TXNRD1: variants seen among roughly 807,000 people sequenced by gnomAD.
The protein encoded by TXNRD1 is thioredoxin reductase 1.
Under a neutral mutation model 80.3 loss-of-function variants are expected in TXNRD1, and 57 were observed. That is an observed-to-expected ratio of 0.71 (90% CI 0.57 to 0.89). The LOEUF (loss-of-function observed/expected upper bound fraction) is 0.89, where lower values mean the gene tolerates loss of function less well. Among genes scored for constraint, TXNRD1 ranks in the 40% least tolerant of loss-of-function variants. TXNRD1 has a pLI of 0.00. For missense variants in TXNRD1, 730 were observed against 803.0 expected, an observed-to-expected ratio of 0.91 and a Z score of 1.10; for synonymous variants, 291 against 285.2, an observed-to-expected ratio of 1.02 and a Z score of -0.20.
At chr12:104,340,752 A>G (rs2036295983) in intron 16 of TXNRD1, among the ~76,000 whole-genome samples, 1 of 152,140 alleles carries the variant, frequency 6.6e-6, no homozygotes, top group African/African-American at 2.4e-5. Context: ...ACTTGATTAC[A>G]TCTGCAAATA....
In TXNRD1 at chr12:104,215,879, G is replaced by A. The variant is rs2032194763; in HGVS notation, c.77G>A (p.Gly26Asp). ...CAGACGAAAGGCAAGAACGGCGATG[G>A]CCGCCGTAGGTCAGGTACGACCGAG... is the stretch of plus-strand genomic sequence containing the variant. ...ELQTKGKNGD[G>D]RRRSAKDHHP... Residue 26 changes from glycine (G) to aspartate (D), a missense_variant, in exon 1 of 17, where the codon GGC (glycine) becomes GAC (aspartate). By Grantham distance (94) the Gly-to-Asp change is moderately conservative. Coordinates refer to ENST00000525566, the MANE Select transcript of TXNRD1 (RefSeq NM_001093771.3). 2 of 1,556,138 alleles carry A rather than the reference G, an allele frequency of 1.3e-6. No individual in the cohort carries two copies. Among genetic ancestry groups the A allele is most frequent in the Non-Finnish European group, 1.7e-6 (2 of 1,150,562 alleles).
chr12:104,319,485 G>A lies in TXNRD1; in HGVS notation c.889G>A (p.Gly297Ser), dbSNP rs551790587. ...PHRIKATNNK[G>S]KEKIYSAERF... ...TCCTTTGTAGGCAACAAATAATAAA[G>A]GCAAAGAAAAAATTTATTCAGCAGA... Residue 297 changes from glycine to serine, a missense_variant, in exon 9 of 17, where the codon GGC becomes AGC. Physicochemically the swap from Gly to Ser is moderately conservative, Grantham distance 56 (BLOSUM62 0). Transcript: ENST00000525566. 2 of 1,584,868 alleles carry A rather than the reference G, an allele frequency of 1.3e-6. No individual in the cohort carries two copies. The highest frequency in any genetic ancestry group is 1.7e-4 in the Middle Eastern group (1 of 6,036).
intron 16 of TXNRD1, among the ~76,000 whole-genome samples, chr12:104,345,691 A>G (rs10861204): frequency 0.91 from 138,002 of 152,254 alleles, 62,806 homozygotes; most frequent in African/African-American, 0.98. Flanking sequence ...CAAGAGGAAA[A>G]CATTTGAAAA....
intron 1 of TXNRD1, among the ~76,000 whole-genome samples, chr12:104,241,058 G>A (rs1001666735): frequency 4.7e-5 from 6 of 128,672 alleles, no homozygotes; most frequent in Non-Finnish European, 8.2e-5. Flanking sequence ...TTCTTTTTTT[G>A]AGACAGAGTC....
chr12:104,256,917 A>T (rs1022633604), intron 2 of TXNRD1, among the ~76,000 whole-genome samples: 24 of 151,552 alleles, frequency 1.6e-4, no homozygotes, highest in African/African-American at 5.6e-4. Flanking sequence ...ACTTCCATAC[A>T]ATAGGAAGTA....
chr12:104,265,574 G>A lies in TXNRD1; in HGVS notation c.304+7495G>A, dbSNP rs954644163. ...TGGCTGCGCTATGACTCCCGGAGCG[G>A]CACCCACAACATGTACCGGGAATAC... is the stretch of plus-strand genomic sequence containing the variant. On this transcript the variant is annotated intron_variant, in intron 3 of 16. Transcript: ENST00000525566. 5.0e-6 allele frequency: 8 copies of A among 1,607,894 alleles called. No homozygotes were observed. In the African/African-American group the frequency reaches 6.7e-5, roughly 13 times the overall value.
intron 4 of TXNRD1, among the ~76,000 whole-genome samples, chr12:104,310,812 C>A (rs575179676): frequency 2.0e-3 from 312 of 152,268 alleles, no homozygotes; most frequent in African/African-American, 7.2e-3. Context: ...ACTTTTCATG[C>A]AGGTCAGTAT....
intron 5 of TXNRD1, among the ~76,000 whole-genome samples, chr12:104,311,963 AG>A (rs1204364668): frequency 1.3e-5 from 2 of 152,050 alleles, no homozygotes; most frequent in East Asian, 3.8e-4. Context: ...CCTGGTCAAC[AG>A]GAGCAAAACT....
intron 4 of TXNRD1, among the ~76,000 whole-genome samples, chr12:104,305,836 C>T (rs758580943): frequency 1.3e-5 from 2 of 152,192 alleles, no homozygotes; most frequent in Non-Finnish European, 2.9e-5. Flanking sequence ...ATAGAATGTC[C>T]TTCACAATCT....
chr12:104,307,112 G>C (rs2034948049), intron 4 of TXNRD1, among the ~76,000 whole-genome samples: 1 of 152,130 alleles, frequency 6.6e-6, no homozygotes, highest in African/African-American at 2.4e-5. Context: ...CCAGTAAAAT[G>C]ATGAGGATGA....
At chr12:104,293,385 C>T (rs2034296675) in intron 4 of TXNRD1, among the ~76,000 whole-genome samples, 1 of 152,116 alleles carries the variant, frequency 6.6e-6, no homozygotes, top group African/African-American at 2.4e-5. Context: ...GGATTAATAT[C>T]CAGGTGAATT....
Position 104,255,821 on chromosome 12 carries a change from G to A in TXNRD1, c.244-2198G>A, listed in dbSNP as rs564559303. Among the ~76,000 whole-genome samples, 33 of 152,220 alleles carry A rather than the reference G, an allele frequency of 2.2e-4. 1 individual carries two copies. In the South Asian group the frequency reaches 6.6e-3, roughly 31 times the overall value. On this transcript the variant is annotated intron_variant, in intron 2 of 16. Transcript: ENST00000525566. ...ACAACAACAACATATAGTCATCCTG[G>A]CAAATTTATTTAATATCATTATCCA... is the stretch of plus-strand genomic sequence containing the variant.
chr12:104,227,056 T>C (rs1364954629), intron 1 of TXNRD1, among the ~76,000 whole-genome samples: 1 of 152,188 alleles, frequency 6.6e-6, no homozygotes, highest in Non-Finnish European at 1.5e-5. Flanking sequence ...AGGAATTTGC[T>C]ACATTCAAGT....
intron 3 of TXNRD1, chr12:104,280,368 T>C (rs1269892847): frequency 6.6e-6 from 1 of 152,332 alleles, no homozygotes; most frequent in African/African-American, 2.4e-5. Context: ...CACCACACAG[T>C]CTTGGTTTTC....
chr12:104,270,556 G>A (rs2033630957), intron 3 of TXNRD1, among the ~76,000 whole-genome samples: 1 of 152,100 alleles, frequency 6.6e-6, no homozygotes, highest in African/African-American at 2.4e-5. Context: ...TAAAGCAAAG[G>A]CAGAGTAGAT....
chr12:104,279,539 AAAG>A (rs1350245793), intron 3 of TXNRD1, among the ~76,000 whole-genome samples: 3 of 152,184 alleles, frequency 2.0e-5, no homozygotes, highest in Non-Finnish European at 4.4e-5. Flanking sequence ...GGCCTTGTAG[AAAG>A]AAGATGAAGA....
chr12:104,308,799 G>C (rs1279745633), intron 4 of TXNRD1, among the ~76,000 whole-genome samples: 2 of 151,758 alleles, frequency 1.3e-5, no homozygotes, highest in Non-Finnish European at 2.9e-5. Context: ...GTTTTCTACT[G>C]TCTGTCTTAT....
chr12:104,304,262 G>A, intron 4 of TXNRD1: 1 of 1,614,048 alleles, frequency 6.2e-7, no homozygotes, highest in South Asian at 1.1e-5. Context: ...GTTAAACTCA[G>A]ATATGAACTT....
intron 1 of TXNRD1, among the ~76,000 whole-genome samples, chr12:104,240,236 C>T (rs1043117085): frequency 1.3e-5 from 2 of 152,172 alleles, no homozygotes; most frequent in East Asian, 3.8e-4. Context: ...GAAAATGTTA[C>T]TGAATCAGAG....
Sources: gnomAD v4.1 joint callset for allele counts (sites outside exome capture counted in the v4.1 genomes callset) on GRCh38, gnomAD v4.1.1 for gene constraint, MANE v1.5 for transcripts, NCBI Gene and HGNC (gene_info 2026-07-23, HGNC 2026-07-21) for gene names.